Variants in MCPH1 observed in about 807,000 individuals in gnomAD.
The protein encoded by MCPH1 is microcephalin.
MCPH1 carries 104 observed loss-of-function variants against 84.5 expected under a neutral mutation model. The observed-to-expected ratio is 1.23, with a 90% CI of 1.05 to 1.45. The LOEUF is 1.45. Among genes scored for constraint, MCPH1 ranks in the 40% most tolerant of loss-of-function variants. The pLI, the probability that MCPH1 is intolerant of heterozygous loss-of-function variation, is 0.00. For missense variants in MCPH1, 1,498 were observed against 1,005.7 expected (o/e 1.49, Z -6.62); for synonymous variants, 514 against 366.8 (o/e 1.40, Z -4.58).
intron 6 of MCPH1, among the ~76,000 whole-genome samples, chr8:6,440,466 A>T (rs1326657559): frequency 6.6e-6 from 1 of 152,194 alleles, no homozygotes; most frequent in African/African-American, 2.4e-5. Flanking sequence ...GGGCTCAAGT[A>T]CTTCTGCCTC....
In MCPH1 at chr8:6,527,692, T is replaced by G. The variant is rs759743222; in HGVS notation, c.2214+27763T>G. On this transcript the variant is annotated intron_variant, in intron 12 of 13. Transcript: ENST00000344683. ...GATTTAATACCTAAATGTAACAAAA[T>G]GAAGTTCCTATTAATTATTTTTTAA... The G allele has an allele frequency of 2.5e-6, 4 of 1,589,764 alleles. No homozygotes were observed. The Admixed American group carries it at 7.1e-5, about 28-fold the overall frequency.
At chr8:6,473,152 C>A (rs1041287680) in intron 9 of MCPH1, among the ~76,000 whole-genome samples, 2 of 152,050 alleles carry the variant, frequency 1.3e-5, no homozygotes, top group African/African-American at 4.8e-5. Context: ...GAAACAGGCT[C>A]ATCAATATTG....
chr8:6,499,613 A>T (rs1014814366), intron 11 of MCPH1: 1 of 443,168 alleles, frequency 2.3e-6, no homozygotes, highest in African/African-American at 2.0e-5. Flanking sequence ...ATCTGACCTC[A>T]TGAGAATAAT....
intron 12 of MCPH1, among the ~76,000 whole-genome samples, chr8:6,612,409 C>G (rs1326730811): frequency 1.3e-5 from 2 of 152,184 alleles, no homozygotes; most frequent in African/African-American, 2.4e-5. Context: ...TCATCCTTCT[C>G]CACGTGCCGC....
chr8:6,419,463 G>C (rs1799843347), intron 3 of MCPH1, among the ~76,000 whole-genome samples: 1 of 151,794 alleles, frequency 6.6e-6, no homozygotes, highest in Non-Finnish European at 1.5e-5. Context: ...CGCAATCTCG[G>C]CTCACTGTAA....
intron 12 of MCPH1, chr8:6,513,631 C>T (rs763635757): frequency 1.3e-6 from 2 of 1,564,552 alleles, no homozygotes; most frequent in Non-Finnish European, 1.7e-6. Context: ...CCGTGCCCGG[C>T]CACAAATCTT....
intron 13 of MCPH1, chr8:6,625,368 G>C (rs1027836339): frequency 1.0e-6 from 1 of 985,258 alleles, no homozygotes; most frequent in Non-Finnish European, 1.2e-6. Flanking sequence ...CTGCCCCTTC[G>C]ACAAAGCACA....
At chr8:6,488,812 A>T (rs1024418146) in intron 11 of MCPH1, among the ~76,000 whole-genome samples, 1 of 152,020 alleles carries the variant, frequency 6.6e-6, no homozygotes, top group Admixed American at 6.6e-5. Flanking sequence ...GATTGCAGGG[A>T]GGTAAGAACA....
At chr8:6,558,742 T>C (rs1825046964) in intron 12 of MCPH1, among the ~76,000 whole-genome samples, 1 of 152,190 alleles carries the variant, frequency 6.6e-6, no homozygotes, top group Admixed American at 6.5e-5. Flanking sequence ...GTGTGATATC[T>C]AAATAGTTAA....
At chr8:6,506,397 A>G (rs73199028) in intron 12 of MCPH1, among the ~76,000 whole-genome samples, 12,777 of 152,068 alleles carry the variant, frequency 0.084, 667 homozygotes, top group African/African-American at 0.16. Flanking sequence ...CTCTTTTCCA[A>G]TTACATTCTC....
At chr8:6,622,995 G>A (rs73515103) in intron 13 of MCPH1, among the ~76,000 whole-genome samples, 3,288 of 149,388 alleles carry the variant, frequency 0.022, 137 homozygotes, top group African/African-American at 0.077. Flanking sequence ...TGCACACCAC[G>A]ATGCCCAGCT....
intron 4 of MCPH1, among the ~76,000 whole-genome samples, chr8:6,432,209 A>G (rs1282096457): frequency 6.6e-6 from 1 of 152,186 alleles, no homozygotes. Flanking sequence ...GCCCCAAGTG[A>G]TTCTCCTGCC....
chr8:6,430,526 G>A (rs1441373898), intron 3 of MCPH1, among the ~76,000 whole-genome samples: 4 of 152,178 alleles, frequency 2.6e-5, no homozygotes, highest in East Asian at 1.9e-4. Flanking sequence ...ATACTGTGCC[G>A]TACAGAGGCA....
At chr8:6,428,931 G>C (rs958075074) in intron 3 of MCPH1, among the ~76,000 whole-genome samples, 2 of 152,116 alleles carry the variant, frequency 1.3e-5, no homozygotes, top group African/African-American at 4.8e-5. Flanking sequence ...TACTGTGGCC[G>C]TATTGCTGTT....
chr8:6,550,434 C>G (rs1202416214), intron 12 of MCPH1, among the ~76,000 whole-genome samples: 1 of 152,222 alleles, frequency 6.6e-6, no homozygotes, highest in Non-Finnish European at 1.5e-5. Flanking sequence ...GCCCTGGCAC[C>G]AAGCCAACCA....
intron 12 of MCPH1, among the ~76,000 whole-genome samples, chr8:6,549,866 A>G (rs1181294905): frequency 6.6e-6 from 1 of 152,234 alleles, no homozygotes; most frequent in African/African-American, 2.4e-5. Context: ...TATTCTGTGT[A>G]AGTTATATCT....
At chr8:6,442,638 G>A (rs571944374) in intron 7 of MCPH1, among the ~76,000 whole-genome samples, 69 of 152,274 alleles carry the variant, frequency 4.5e-4, no homozygotes, top group African/African-American at 1.7e-3. Context: ...TCCATGTTAC[G>A]CACATACATG....
At position 6,455,205 on chromosome 8, in the gene MCPH1, C is replaced by A. The variant is rs1207414051; in HGVS notation, c.1888C>A (p.Leu630Ile). 4 of 1,613,882 alleles carry A rather than the reference C, an allele frequency of 2.5e-6. No individual in the cohort carries two copies. Among genetic ancestry groups the A allele is most frequent in the African/African-American group, 1.3e-5 (1 of 74,914 alleles). Residue 630 changes from leucine (L) to isoleucine (I), a missense_variant, in exon 9 of 14, where the codon CTC (leucine) becomes ATC (isoleucine). Leu to Ile is a conservative substitution (Grantham distance 5, BLOSUM62 2). Coordinates refer to ENST00000344683, the MANE Select transcript of MCPH1 (RefSeq NM_024596.5). Reference sequence around the variant, plus strand: ...TGACTCATGTGACGGCTTTAAGGACCTCATCAAACCTCATGAGGAATTGAA... The same window carrying A: ...TGACTCATGTGACGGCTTTAAGGACATCATCAAACCTCATGAGGAATTGAA... ...LDDSCDGFKD[L>I]IKPHEELKKS... is the part of the protein sequence containing the mutation.
intron 9 of MCPH1, chr8:6,474,123 C>T (rs1483607593): frequency 3.9e-6 from 3 of 763,812 alleles, no homozygotes; most frequent in South Asian, 2.7e-5. Context: ...AAATCACAAC[C>T]GTGGTAATCA....
Sources: allele counts gnomAD v4.1 joint callset (sites outside exome capture counted in the v4.1 genomes callset), GRCh38; gene constraint gnomAD v4.1.1; transcripts MANE v1.5; gene names NCBI Gene and HGNC (gene_info 2026-07-23, HGNC 2026-07-21).